The following CD79A variants were observed in gnomAD, a reference collection of about 807,000 sequenced individuals.
The protein encoded by CD79A is CD79a molecule.
Under a neutral mutation model 27.4 loss-of-function variants are expected in CD79A, and 16 were observed. The observed-to-expected ratio is 0.58, with a 90% CI of 0.40 to 0.89. CD79A has a LOEUF of 0.89. Among genes scored for constraint, CD79A ranks in the 40% least tolerant of loss-of-function variants. The pLI, the probability that CD79A is intolerant of heterozygous loss-of-function variation, is 0.00. For synonymous variants in CD79A, 110 were observed against 132.7 expected (o/e 0.83, Z 1.18); for missense variants, 237 against 299.7 (o/e 0.79, Z 1.55).
intron 3 of CD79A, among the ~76,000 whole-genome samples, chr19:41,880,292 G>A (rs1007863919): frequency 6.6e-6 from 1 of 151,744 alleles, no homozygotes; most frequent in Non-Finnish European, 1.5e-5. Context: ...GAGGTGGGAG[G>A]ATTGCTTGAG....
Position 41,880,983 on chromosome 19 carries a change from C to G in CD79A, c.*3C>G, listed in dbSNP as rs1196382522. ...ATGTCCAGCTGGAGAAGCCGTGACA[C>G]CCCTACTCCTGCCAGGCTGCCCCCG... On this transcript the variant is annotated 3_prime_UTR_variant, in exon 5 of 5. Transcript: ENST00000221972. The G allele has an allele frequency of 6.5e-7, 1 of 1,538,594 alleles. No individual in the cohort carries two copies. Among genetic ancestry groups the G allele is most frequent in the African/African-American group, 1.4e-5 (1 of 73,786 alleles).
rs1397804100 is a variant in CD79A, at chr19:41,881,234, A to G, written c.*254A>G. ...ATCCCCCCGCCCCGCTGCCTTTCCC[A>G]GGCTCCCCTCACCCCAGCGGGTAAT... On this transcript the variant is annotated 3_prime_UTR_variant, in exon 5 of 5. Coordinates refer to ENST00000221972, the MANE Select transcript of CD79A (RefSeq NM_001783.4). 3 of 571,722 alleles carry G rather than the reference A, an allele frequency of 5.2e-6. No individual in the cohort carries two copies. The highest frequency in any genetic ancestry group is 9.5e-6 in the Non-Finnish European group (3 of 317,402). 35.4% of individuals were successfully genotyped at this position (571,722 alleles called of 1,614,324 possible).
intron 3 of CD79A, 89 bp from the exon 4 acceptor site, chr19:41,880,581 T>C (rs899488488): frequency 4.1e-6 from 4 of 968,668 alleles, no homozygotes; most frequent in Middle Eastern, 5.9e-4. Flanking sequence ...TTACCCTTTC[T>C]GGAAAAGTAC....
intron 3 of CD79A, among the ~76,000 whole-genome samples, 167 bp from the exon 4 acceptor site, chr19:41,880,501 GAA>G (rs2074217085): frequency 6.7e-6 from 1 of 148,960 alleles, no homozygotes; most frequent in Admixed American, 6.7e-5. Context: ...AGGAAGGAAG[GAA>G]GGAGAACACT....
Position 41,880,928 on chromosome 19 carries a change from AC to A in CD79A, c.631del (p.Gln211ArgfsTer8). The A allele has an allele frequency of 6.2e-7, 1 of 1,603,088 alleles. No individual in the cohort carries two copies. Among genetic ancestry groups the A allele is most frequent in the Non-Finnish European group, 8.5e-7 (1 of 1,175,800 alleles). On this transcript the variant is annotated frameshift_variant, in exon 5 of 5. Transcript: ENST00000221972. LOFTEE classifies it high-confidence loss of function. ...EDISRGLQGT[Y>X]QDVGSLNIGD... ...ATCTCCCGGGGCCTCCAGGGCACCT[AC>A]CAGGATGTGGGCAGCCTCAACATAG... is the stretch of plus-strand genomic sequence containing the variant.
Position 41,881,105 on chromosome 19 carries a change from G to C in CD79A, c.*125G>C, listed in dbSNP as rs977732436. 82 of 724,662 alleles carry C rather than the reference G, an allele frequency of 1.1e-4. No homozygotes were observed. The highest frequency in any genetic ancestry group is 7.4e-4 in the South Asian group (50 of 67,158). The allele number at this position is 724,662 out of a possible 1,614,324, so 44.9% of individuals were successfully genotyped here. A position where few individuals can be genotyped will look rare whatever the true frequency, so the allele number is the denominator to read the frequency against. On this transcript the variant is annotated 3_prime_UTR_variant, in exon 5 of 5. Transcript: ENST00000221972. ...CTTCCTTAGTCATATTCCCCCAGTG[G>C]GGGGTGGGAGGGTAACCTCACTCTT...
Position 41,877,982 on chromosome 19 carries a change from G to C in CD79A, c.79+599G>C, listed in dbSNP as rs934676821. Among the ~76,000 whole-genome samples, 7 of 152,152 alleles carry C rather than the reference G, an allele frequency of 4.6e-5. No individual in the cohort carries two copies. Among genetic ancestry groups the C allele is most frequent in the Non-Finnish European group, 1.0e-4 (7 of 68,020 alleles). ...GTCTTAAGCCCGTGACGATGAGGGTGCTCGGCCCCTCTCCCCATCTCTTCC... is the reference window on the plus strand; with the variant it reads ...GTCTTAAGCCCGTGACGATGAGGGTCCTCGGCCCCTCTCCCCATCTCTTCC... On this transcript the variant is annotated intron_variant, in intron 1 of 4. Coordinates refer to ENST00000221972, the MANE Select transcript of CD79A (RefSeq NM_001783.4). This position sits in a 1 kb window ranked among gnomAD's most constrained non-coding sequence, Gnocchi z 4.1.
chr19:41,878,983 T>C lies in CD79A; in HGVS notation c.80-7T>C, dbSNP rs1555843444. Reference sequence around the variant, plus strand: ...GTCCCTGACCCACCCACCCTGTCTCTCCACAGGCCCTGGGTGCCAGGCCCT... The same window carrying C: ...GTCCCTGACCCACCCACCCTGTCTCCCCACAGGCCCTGGGTGCCAGGCCCT... On this transcript the variant is annotated splice_region_variant and splice_polypyrimidine_tract_variant and intron_variant, in intron 1 of 4. Coordinates refer to ENST00000221972, the MANE Select transcript of CD79A (RefSeq NM_001783.4). This position sits in a 1 kb window ranked among gnomAD's most constrained non-coding sequence, Gnocchi z 4.3. 3.6e-6 allele frequency: 3 copies of C among 839,506 alleles called. No homozygotes were observed. The South Asian group carries it at 3.9e-5, about 11-fold the overall frequency. 52.0% of individuals were successfully genotyped at this position (839,506 alleles called of 1,614,324 possible).
In CD79A at chr19:41,880,735, T is replaced by G. The variant is rs1422529012; in HGVS notation, c.564T>G (p.Tyr188Ter). The change falls in exon 4 of 5, where the codon TAT becomes TAG. Residue 188 changes from tyrosine to a stop codon, truncating the protein, a stop_gained. Transcript: ENST00000221972. LOFTEE classifies it high-confidence loss of function. ...AGDEYEDENL[Y>*]EGLNLDDCSM... ...ATGAATATGAAGATGAAAACCTTTA[T>G]GAAGTGAGTGAAGGGTGGGGATGGG... 6.6e-7 allele frequency: 1 copy of G among 1,518,036 alleles called. No individual in the cohort carries two copies. Among genetic ancestry groups the G allele is most frequent in the African/African-American group, 1.4e-5 (1 of 70,554 alleles). The allele number at this position is 1,518,036 out of a possible 1,614,324, so 94.0% of individuals were successfully genotyped here. A position where few individuals can be genotyped will look rare whatever the true frequency, so the allele number is the denominator to read the frequency against.
In CD79A at chr19:41,879,465, G is replaced by A. The variant is rs781908403; in HGVS notation, c.380-70G>A. The A allele has an allele frequency of 9.3e-6, 12 of 1,290,562 alleles. No homozygotes were observed. Among genetic ancestry groups the A allele is most frequent in the African/African-American group, 2.9e-5 (2 of 68,800 alleles). The allele number at this position is 1,290,562 out of a possible 1,614,324, so 79.9% of individuals were successfully genotyped here. On this transcript the variant is annotated intron_variant, in intron 2 of 4. Coordinates refer to ENST00000221972, the MANE Select transcript of CD79A (RefSeq NM_001783.4). This position sits in a 1 kb window ranked among gnomAD's most constrained non-coding sequence, Gnocchi z 5.1. Reference sequence around the variant, plus strand: ...CTGGGGGGTCTGGGGCCTTGCAGGAGGTGGGCGGGGCCAGGAGGCTAGGGA... The same window carrying A: ...CTGGGGGGTCTGGGGCCTTGCAGGAAGTGGGCGGGGCCAGGAGGCTAGGGA...
At position 41,877,470 on chromosome 19, in the gene CD79A, A is replaced by C. The variant is rs556648905; in HGVS notation, c.79+87A>C. ...GGCACAGGCAGAGGGAAGGGGGCTC[A>C]GGGAAAGGGGAAGAGGAGGCAGAGG... On this transcript the variant is annotated intron_variant, in intron 1 of 4. Transcript: ENST00000221972. This position sits in a 1 kb window ranked among gnomAD's most constrained non-coding sequence, Gnocchi z 4.1. 4.6e-6 allele frequency: 5 copies of C among 1,092,048 alleles called. No homozygotes were observed. The highest frequency in any genetic ancestry group is 4.2e-6 in the Non-Finnish European group (3 of 707,330). The allele number at this position is 1,092,048 out of a possible 1,614,324, so 67.6% of individuals were successfully genotyped here.
At chr19:41,880,557 CT>C in intron 3 of CD79A, 112 bp from the exon 4 acceptor site, 2 of 767,260 alleles carry the variant, frequency 2.6e-6, no homozygotes, top group Non-Finnish European at 2.3e-6. Flanking sequence ...AGTATGTGGC[CT>C]TGGGGACATC....
intron 3 of CD79A, among the ~76,000 whole-genome samples, chr19:41,880,414 A>G (rs1237075572): frequency 1.4e-5 from 2 of 138,236 alleles, no homozygotes; most frequent in Admixed American, 7.7e-5. Flanking sequence ...AGAGAGAGAG[A>G]GAGAGAGGGC....
chr19:41,877,532 T>C lies in CD79A; in HGVS notation c.79+149T>C. On this transcript the variant is annotated intron_variant, in intron 1 of 4. Coordinates refer to ENST00000221972, the MANE Select transcript of CD79A (RefSeq NM_001783.4). This position sits in a 1 kb window ranked among gnomAD's most constrained non-coding sequence, Gnocchi z 4.1. The stretch of plus-strand genomic sequence containing the variant: ...AGGGAAGATGCCTATAGAAATCGTA[T>C]CTGTGCCAAGATGGGCCAAGGTGGG... 1.4e-6 allele frequency: 1 copy of C among 705,136 alleles called. No homozygotes were observed. The highest frequency in any genetic ancestry group is 2.5e-6 in the Non-Finnish European group (1 of 402,816). 43.7% of individuals were successfully genotyped at this position (705,136 alleles called of 1,614,324 possible).
chr19:41,877,426 C>G lies in CD79A; in HGVS notation c.79+43C>G, dbSNP rs782816922. On this transcript the variant is annotated intron_variant, in intron 1 of 4. Coordinates refer to ENST00000221972, the MANE Select transcript of CD79A (RefSeq NM_001783.4). The surrounding 1 kb of genome is among the most constrained non-coding windows in gnomAD (Gnocchi z 4.1). ...AGGAACTGGCGGGAGGTGGGGGAAG[C>G]TGTGGAGGCTGCAGAGAGGGCACAG... The G allele has an allele frequency of 2.0e-6, 3 of 1,523,560 alleles. No individual in the cohort carries two copies. The highest frequency in any genetic ancestry group is 2.7e-6 in the Non-Finnish European group (3 of 1,097,458). The allele number at this position is 1,523,560 out of a possible 1,614,324, so 94.4% of individuals were successfully genotyped here.
Position 41,881,221 on chromosome 19 carries a change from C to T in CD79A, c.*241C>T, listed in dbSNP as rs1282954877. ...ACCTCCTAACCTAATCCCCCCGCCC[C>T]GCTGCCTTTCCCAGGCTCCCCTCAC... On this transcript the variant is annotated 3_prime_UTR_variant, in exon 5 of 5. Transcript: ENST00000221972. The T allele has an allele frequency of 6.9e-6, 4 of 583,670 alleles. No individual in the cohort carries two copies. Among genetic ancestry groups the T allele is most frequent in the African/African-American group, 5.6e-5 (3 of 53,786 alleles). The allele number at this position is 583,670 out of a possible 1,614,324, so 36.2% of individuals were successfully genotyped here. A position where few individuals can be genotyped will look rare whatever the true frequency, so the allele number is the denominator to read the frequency against.
In CD79A at chr19:41,878,867, TCTCC is replaced by T; in HGVS notation, c.80-117_80-114del. 1 of 756,104 alleles carries T rather than the reference TCTCC, an allele frequency of 1.3e-6. No individual in the cohort carries two copies. 46.8% of individuals were successfully genotyped at this position (756,104 alleles called of 1,614,324 possible). ...ATCAGCCCCTGTCAGGGGCTCTCTC[TCTCC>T]CTCCCCACCCAGGAGAGTCCTCACC... is the stretch of plus-strand genomic sequence containing the variant. On this transcript the variant is annotated intron_variant, in intron 1 of 4. Transcript: ENST00000221972. This position sits in a 1 kb window ranked among gnomAD's most constrained non-coding sequence, Gnocchi z 4.3.
chr19:41,879,435 G>A lies in CD79A; in HGVS notation c.380-100G>A. ...ACGGACATTCTCCTCTGCAGAGTGG[G>A]GTCTCTGGGGGGTCTGGGGCCTTGC... On this transcript the variant is annotated intron_variant, in intron 2 of 4. Coordinates refer to ENST00000221972, the MANE Select transcript of CD79A (RefSeq NM_001783.4). The surrounding 1 kb of genome is among the most constrained non-coding windows in gnomAD (Gnocchi z 5.1). 8.3e-7 allele frequency: 1 copy of A among 1,201,270 alleles called. No individual in the cohort carries two copies. The highest frequency in any genetic ancestry group is 2.5e-5 in the East Asian group (1 of 39,902). 74.4% of individuals were successfully genotyped at this position (1,201,270 alleles called of 1,614,324 possible).
At position 41,881,210 on chromosome 19, in the gene CD79A, T is replaced by TC. The variant is rs1219154313; in HGVS notation, c.*236dup. On this transcript the variant is annotated 3_prime_UTR_variant, in exon 5 of 5. Transcript: ENST00000221972. ...TAAACTGCCCCACCTCCTAACCTAA[T>TC]CCCCCCGCCCCGCTGCCTTTCCCAG... The TC allele has an allele frequency of 5.0e-4, 295 of 591,342 alleles. 1 individual carries two copies. The highest frequency in any genetic ancestry group is 7.4e-4 in the Non-Finnish European group (241 of 327,416). 36.6% of individuals were successfully genotyped at this position (591,342 alleles called of 1,614,324 possible). A position where few individuals can be genotyped will look rare whatever the true frequency, so the allele number is the denominator to read the frequency against.
Sources: allele counts gnomAD v4.1 joint callset (sites outside exome capture counted in the v4.1 genomes callset), GRCh38; gene constraint gnomAD v4.1.1; non-coding constraint Gnocchi (gnomAD v3.1); transcripts MANE v1.5; gene names NCBI Gene and HGNC (gene_info 2026-07-23, HGNC 2026-07-21).